SEMA5A: variants seen among roughly 807,000 people sequenced by gnomAD.
SEMA5A encodes semaphorin 5A, also known as semaphorin-5A.
SEMA5A carries 55 observed loss-of-function variants against 135.5 expected under a neutral mutation model. The ratio of observed to expected loss-of-function variants is 0.41; its 90% CI spans 0.33 to 0.51. The LOEUF (loss-of-function observed/expected upper bound fraction) is 0.51. SEMA5A is among the 20% of genes least tolerant of loss of function. The pLI is 0.37. For synonymous variants in SEMA5A, 580 were observed against 546.5 expected (o/e 1.06, Z -0.85); for missense variants, 1,290 against 1,419.9 (o/e 0.91, Z 1.47).
intron 5 of SEMA5A, among the ~76,000 whole-genome samples, chr5:9,305,734 G>GTATATATATATATATATA (rs1751836644): frequency 7.0e-6 from 1 of 142,494 alleles, no homozygotes; most frequent in African/African-American, 2.6e-5. Context: ...ATATTTACAC[G>GTATATATATATATATATA]CACACACACA....
At chr5:9,490,344 T>C (rs964985431) in intron 1 of SEMA5A, among the ~76,000 whole-genome samples, 9 of 152,126 alleles carry the variant, frequency 5.9e-5, no homozygotes, top group East Asian at 3.9e-4. Context: ...TATGGTTACA[T>C]TGTAGTTTTT....
At chr5:9,247,612 T>C (rs1748545648) in intron 5 of SEMA5A, among the ~76,000 whole-genome samples, 1 of 152,182 alleles carries the variant, frequency 6.6e-6, no homozygotes, top group Non-Finnish European at 1.5e-5. Flanking sequence ...TAAAAATGCT[T>C]GCTTCCTGAG....
At chr5:9,075,168 T>A (rs1015825866) in intron 16 of SEMA5A, among the ~76,000 whole-genome samples, 1 of 152,248 alleles carries the variant, frequency 6.6e-6, no homozygotes, top group Non-Finnish European at 1.5e-5. Flanking sequence ...ACAATCCCAC[T>A]GTTTTCTATG....
At chr5:9,253,322 A>G (rs560025999) in intron 5 of SEMA5A, among the ~76,000 whole-genome samples, 2 of 152,120 alleles carry the variant, frequency 1.3e-5, no homozygotes, top group Non-Finnish European at 2.9e-5. Context: ...ATAAGCTTTT[A>G]CTCAAGGACA....
intron 1 of SEMA5A, among the ~76,000 whole-genome samples, chr5:9,467,874 A>T (rs1759320492): frequency 1.3e-5 from 2 of 152,244 alleles, no homozygotes; most frequent in Non-Finnish European, 2.9e-5. Flanking sequence ...AAAGTTTTAA[A>T]GGTTTATTAG....
chr5:9,136,418 C>A, intron 13 of SEMA5A, 86 bp downstream of exon 13: 1 of 1,117,110 alleles, frequency 9.0e-7, no homozygotes, highest in African/African-American at 1.5e-5. Context: ...AAGGTGCAGA[C>A]AGCGTGACAG....
chr5:9,269,336 T>C (rs1805916), intron 5 of SEMA5A, among the ~76,000 whole-genome samples: 58,565 of 151,944 alleles, frequency 0.39, 11,903 homozygotes, highest in South Asian at 0.46. Flanking sequence ...ATATTAATAA[T>C]AATCACCTAT....
chr5:9,423,487 G>C (rs867477310), intron 2 of SEMA5A, among the ~76,000 whole-genome samples: 1 of 152,198 alleles, frequency 6.6e-6, no homozygotes, highest in Non-Finnish European at 1.5e-5. Context: ...TCAACAGACA[G>C]TCATATATTC....
intron 16 of SEMA5A, among the ~76,000 whole-genome samples, chr5:9,073,773 G>C (rs1181932835): frequency 1.3e-5 from 2 of 151,944 alleles, no homozygotes; most frequent in African/African-American, 2.4e-5. Flanking sequence ...CAGAACACAA[G>C]ATCAATGTAA....
At chr5:9,251,608 A>G (rs966194702) in intron 5 of SEMA5A, among the ~76,000 whole-genome samples, 3 of 152,328 alleles carry the variant, frequency 2.0e-5, no homozygotes, top group East Asian at 1.9e-4. Context: ...CAATATGTAA[A>G]TGTATACGGC....
At chr5:9,487,872 A>T (rs1734809907) in intron 1 of SEMA5A, among the ~76,000 whole-genome samples, 1 of 152,186 alleles carries the variant, frequency 6.6e-6, no homozygotes, top group African/African-American at 2.4e-5. Flanking sequence ...TAACTTTCGC[A>T]CATTTATTGT....
chr5:9,122,607 T>A (rs767279834), intron 14 of SEMA5A, 49 bp downstream of exon 14: 6 of 1,422,572 alleles, frequency 4.2e-6, no homozygotes, highest in Non-Finnish European at 5.6e-6. Context: ...TCCTCGAGAA[T>A]CTGAGTTTAA....
intron 1 of SEMA5A, among the ~76,000 whole-genome samples, chr5:9,514,654 G>T (rs1736407676): frequency 6.6e-6 from 1 of 152,052 alleles, no homozygotes; most frequent in Non-Finnish European, 1.5e-5. Context: ...GTATTGCTTA[G>T]GAAATAACAA....
chr5:9,364,418 C>G (rs1157936670), intron 3 of SEMA5A, among the ~76,000 whole-genome samples: 1 of 152,136 alleles, frequency 6.6e-6, no homozygotes, highest in Non-Finnish European at 1.5e-5. Context: ...AAATTCTTTT[C>G]ATCTAATATT....
intron 4 of SEMA5A, among the ~76,000 whole-genome samples, chr5:9,331,688 G>A (rs1455253569): frequency 6.6e-6 from 1 of 152,186 alleles, no homozygotes; most frequent in East Asian, 1.9e-4. Flanking sequence ...CCCACAAGTG[G>A]AGAGCTGCTG....
rs1285385336 is a variant in SEMA5A, at chr5:9,190,487, G to A, written c.1069-16C>T. On this transcript the variant is annotated splice_polypyrimidine_tract_variant and intron_variant, in intron 10 of 22. Coordinates refer to ENST00000382496, the MANE Select transcript of SEMA5A (RefSeq NM_003966.3). The stretch of plus-strand genomic sequence containing the variant: ...CGGTGCCACACTGAAAGGGAAGACG[G>A]GCCAGGTTACCAGAGCCGGCAGCCT... The A allele has an allele frequency of 6.2e-7, 1 of 1,610,936 alleles. No homozygotes were observed. Among genetic ancestry groups the A allele is most frequent in the Non-Finnish European group, 8.5e-7 (1 of 1,179,320 alleles).
At chr5:9,543,599 C>T (rs1283401191) in intron 1 of SEMA5A, among the ~76,000 whole-genome samples, 2 of 152,146 alleles carry the variant, frequency 1.3e-5, no homozygotes, top group Admixed American at 6.5e-5. Flanking sequence ...AAATGATTAG[C>T]ATCATCTGTC....
Position 9,122,734 on chromosome 5 carries a change from C to T in SEMA5A, c.1703G>A (p.Arg568His), listed in dbSNP as rs749737653. 1.1e-5 allele frequency: 18 copies of T among 1,613,380 alleles called. No homozygotes were observed. The East Asian group carries it at 1.3e-4, about 12-fold the overall frequency. Reference sequence around the variant, plus strand: ...CTGCGGGGCCGGGCTGTCGCAGGAGCGGGTTCGACAGAGGCAGGATCCCAC... The same window carrying T: ...CTGCGGGGCCGGGCTGTCGCAGGAGTGGGTTCGACAGAGGCAGGATCCCAC... Reference protein sequence around the residue: ...SAVGSCLCRTRSCDSPAPQCG... With the variant: ...SAVGSCLCRTHSCDSPAPQCG... The change falls in exon 14 of 23, where the codon CGC (arginine) becomes CAC (histidine). Residue 568 changes from arginine to histidine, a missense_variant. Physicochemically the swap from Arg to His is conservative, Grantham distance 29. Coordinates refer to ENST00000382496, the MANE Select transcript of SEMA5A (RefSeq NM_003966.3).
chr5:9,361,313 A>AC (rs35231624), intron 3 of SEMA5A, among the ~76,000 whole-genome samples: 18,033 of 150,912 alleles, frequency 0.12, 1,472 homozygotes, highest in African/African-American at 0.23. Flanking sequence ...AAAAAAAAAA[A>AC]ATTGCAAACA....
Sources: allele counts gnomAD v4.1 joint callset (sites outside exome capture counted in the v4.1 genomes callset), GRCh38; gene constraint gnomAD v4.1.1; transcripts MANE v1.5; gene names NCBI Gene and HGNC (gene_info 2026-07-23, HGNC 2026-07-21).